The following KBTBD12 variants were observed in gnomAD, a reference collection of about 807,000 sequenced individuals.
The protein encoded by KBTBD12 is kelch repeat and BTB domain-containing protein 12.
KBTBD12 carries 53 observed loss-of-function variants against 58.7 expected under a neutral mutation model. The ratio of observed to expected loss-of-function variants is 0.90; its 90% CI spans 0.72 to 1.14. The LOEUF (loss-of-function observed/expected upper bound fraction) is 1.14. Among genes scored for constraint, KBTBD12 ranks in the 50% most tolerant of loss-of-function variants. The pLI is 0.00. For missense variants in KBTBD12, 704 were observed against 751.3 expected (o/e 0.94, Z 0.74); for synonymous variants, 236 against 259.8 (o/e 0.91, Z 0.88).
At chr3:127,922,129 T>G (rs1939424620) in intron 1 of KBTBD12, among the ~76,000 whole-genome samples, 1 of 152,160 alleles carries the variant, frequency 6.6e-6, no homozygotes, top group Non-Finnish European at 1.5e-5. Context: ...CATTTCCATT[T>G]ATCCAGGGAA....
At chr3:127,974,120 C>T (rs765994899) in intron 5 of KBTBD12, among the ~76,000 whole-genome samples, 4 of 152,142 alleles carry the variant, frequency 2.6e-5, no homozygotes, top group Non-Finnish European at 5.9e-5. Flanking sequence ...ACAGAACTGG[C>T]ATAGACAAAA....
At chr3:127,970,976 A>G (rs1162628242) in intron 5 of KBTBD12, among the ~76,000 whole-genome samples, 1 of 152,214 alleles carries the variant, frequency 6.6e-6, no homozygotes, top group Non-Finnish European at 1.5e-5. Flanking sequence ...GTTAAAGTGA[A>G]AAAGTCAGAA....
At position 127,983,862 on chromosome 3, in the gene KBTBD12, A is replaced by G. The variant is rs772417557; in HGVS notation, c.1691-235A>G. ...TCCATTTTCTGCCATGAGTTGAAAC[A>G]GCCAAGGCTCCCACCAGATGCAGAT... On this transcript the variant is annotated intron_variant, in intron 5 of 5. Coordinates refer to ENST00000405109, the MANE Select transcript of KBTBD12 (RefSeq NM_207335.4). 5.9e-5 allele frequency among the ~76,000 whole-genome samples: 9 copies of G among 152,104 alleles called. No individual in the cohort carries two copies. The South Asian group carries it at 1.9e-3, about 32-fold the overall frequency.
intron 4 of KBTBD12, among the ~76,000 whole-genome samples, chr3:127,946,670 T>C (rs1181300219): frequency 6.6e-6 from 1 of 152,194 alleles, no homozygotes; most frequent in Non-Finnish European, 1.5e-5. Context: ...GATGTTTTCA[T>C]CTGTTTTGGG....
intron 5 of KBTBD12, among the ~76,000 whole-genome samples, chr3:127,970,538 C>A (rs549353494): frequency 1.3e-5 from 2 of 152,110 alleles, no homozygotes; most frequent in African/African-American, 2.4e-5. Flanking sequence ...CACAGATGGA[C>A]AGATAAGTAA....
chr3:127,974,822 C>CA (rs924950838), intron 5 of KBTBD12, among the ~76,000 whole-genome samples: 39 of 151,956 alleles, frequency 2.6e-4, no homozygotes, highest in African/African-American at 9.2e-4. Flanking sequence ...ACTAAAAATA[C>CA]AAAAAAATTA....
At chr3:127,965,074 T>C (rs1216770428) in intron 5 of KBTBD12, among the ~76,000 whole-genome samples, 2 of 152,248 alleles carry the variant, frequency 1.3e-5, no homozygotes, top group African/African-American at 4.8e-5. Context: ...TCCCATATTC[T>C]GGCCTTTGGC....
chr3:127,963,635 C>A (rs375641724), intron 5 of KBTBD12: 1 of 407,912 alleles, frequency 2.5e-6, no homozygotes, highest in East Asian at 4.4e-5. Flanking sequence ...CCTGAACACA[C>A]CTGGTCTCAC....
At chr3:127,977,219 C>A (rs1189270015) in intron 5 of KBTBD12, among the ~76,000 whole-genome samples, 1 of 152,200 alleles carries the variant, frequency 6.6e-6, no homozygotes, top group Non-Finnish European at 1.5e-5. Flanking sequence ...ACCACAGTTT[C>A]TTTATCTGGT....
At chr3:127,958,509 C>T (rs567272716) in intron 4 of KBTBD12, among the ~76,000 whole-genome samples, 17 of 152,276 alleles carry the variant, frequency 1.1e-4, no homozygotes, top group African/African-American at 4.1e-4. Context: ...CACTAAGACC[C>T]AGTGCTGGGT....
chr3:127,962,076 G>A (rs150198701), intron 4 of KBTBD12, among the ~76,000 whole-genome samples: 1 of 152,316 alleles, frequency 6.6e-6, no homozygotes, highest in Non-Finnish European at 1.5e-5. Context: ...AGGAGAGCTG[G>A]TTTACCTGAG....
At chr3:127,935,063 A>G (rs1001997197) in intron 4 of KBTBD12, among the ~76,000 whole-genome samples, 3 of 152,192 alleles carry the variant, frequency 2.0e-5, no homozygotes, top group African/African-American at 7.2e-5. Flanking sequence ...ATTTATTTAA[A>G]AGATATAAAA....
At chr3:127,933,340 G>A (rs1939749925) in intron 4 of KBTBD12, among the ~76,000 whole-genome samples, 1 of 152,000 alleles carries the variant, frequency 6.6e-6, no homozygotes, top group African/African-American at 2.4e-5. Flanking sequence ...TTTGCCAAAG[G>A]GGGCTGACAT....
chr3:127,969,865 C>A (rs1940651423), intron 5 of KBTBD12, among the ~76,000 whole-genome samples: 1 of 152,036 alleles, frequency 6.6e-6, no homozygotes, highest in South Asian at 2.1e-4. Flanking sequence ...CTGTAAAATT[C>A]TTAGAAGAAA....
At chr3:127,983,103 G>T (rs1024688815) in intron 5 of KBTBD12, among the ~76,000 whole-genome samples, 1 of 152,190 alleles carries the variant, frequency 6.6e-6, no homozygotes, top group African/African-American at 2.4e-5. Context: ...ATATGGCATT[G>T]GAACACTTTT....
intron 1 of KBTBD12, among the ~76,000 whole-genome samples, chr3:127,919,694 T>G (rs1939350503): frequency 6.6e-6 from 1 of 152,110 alleles, no homozygotes; most frequent in Non-Finnish European, 1.5e-5. Flanking sequence ...GGTCATAATT[T>G]TTTGTTTTTT....
chr3:127,918,421 A>G (rs1418774147), intron 1 of KBTBD12, among the ~76,000 whole-genome samples: 4 of 152,306 alleles, frequency 2.6e-5, no homozygotes, highest in African/African-American at 9.6e-5. Flanking sequence ...TAAAGACAGA[A>G]CAGCATGTTA....
chr3:127,926,812 G>A (rs535752547), intron 2 of KBTBD12, among the ~76,000 whole-genome samples: 1 of 151,648 alleles, frequency 6.6e-6, no homozygotes, highest in Non-Finnish European at 1.5e-5. Flanking sequence ...CTGTTTTTTT[G>A]TGTGTGTGTG....
In KBTBD12 at chr3:127,959,095, T is replaced by C. The variant is rs5020593; in HGVS notation, c.1493-4094T>C. The stretch of plus-strand genomic sequence containing the variant: ...AGGGTTTTAGGCACCAAAGCTAGAA[T>C]TCTGATACGAGGTTGGAAAAAAATC... On this transcript the variant is annotated intron_variant, in intron 4 of 5. Transcript: ENST00000405109. Among the ~76,000 whole-genome samples, 1,032 of 152,292 alleles carry C rather than the reference T, an allele frequency of 6.8e-3. 18 individuals carry two copies. The highest frequency in any genetic ancestry group is 0.023 in the African/African-American group (949 of 41,536).
Sources: gnomAD v4.1 joint callset for allele counts (sites outside exome capture counted in the v4.1 genomes callset) on GRCh38, gnomAD v4.1.1 for gene constraint, MANE v1.5 for transcripts, NCBI Gene and HGNC (gene_info 2026-07-23, HGNC 2026-07-21) for gene names.